The following NEK11 variants were observed in gnomAD, a reference collection of about 807,000 sequenced individuals.
The protein encoded by NEK11 is serine/threonine-protein kinase Nek11.
In NEK11, 72 loss-of-function variants were observed where a neutral mutation model predicts 80.7. The observed-to-expected ratio is 0.89, with a 90% CI of 0.74 to 1.08. NEK11 has a LOEUF of 1.08. Ranked by LOEUF, NEK11 falls within the 50% of genes least tolerant of loss-of-function variation. The pLI, the probability that NEK11 is intolerant of heterozygous loss-of-function variation, is 0.00. For synonymous variants in NEK11, 251 were observed against 260.7 expected (o/e 0.96, Z 0.36); for missense variants, 764 against 763.6 (o/e 1.00, Z -0.01).
At chr3:131,085,876 C>T (rs561058336) in intron 4 of NEK11, among the ~76,000 whole-genome samples, 2 of 152,052 alleles carry the variant, frequency 1.3e-5, no homozygotes, top group East Asian at 3.9e-4. Flanking sequence ...GCATTTAGTT[C>T]TATTTCTTTA....
chr3:131,195,982 A>G (rs1014144689), intron 14 of NEK11, among the ~76,000 whole-genome samples: 1 of 151,340 alleles, frequency 6.6e-6, no homozygotes, highest in Non-Finnish European at 1.5e-5. Flanking sequence ...AGCGTATTTT[A>G]TGTGGGTTTG....
At chr3:131,226,874 G>A (rs954956729) in intron 14 of NEK11, among the ~76,000 whole-genome samples, 25 of 152,096 alleles carry the variant, frequency 1.6e-4, no homozygotes, top group Admixed American at 1.6e-3. Flanking sequence ...ATATATATAT[G>A]TGTACATACA....
At chr3:131,321,655 A>G (rs542674633) in intron 17 of NEK11, among the ~76,000 whole-genome samples, 1 of 152,288 alleles carries the variant, frequency 6.6e-6, no homozygotes, top group East Asian at 1.9e-4. Context: ...TAAGCAAAAA[A>G]CCAAATAACC....
chr3:131,084,653 G>A (rs932948466), intron 4 of NEK11, among the ~76,000 whole-genome samples: 1 of 152,180 alleles, frequency 6.6e-6, no homozygotes, highest in Non-Finnish European at 1.5e-5. Context: ...AGGGAAAAAG[G>A]CAGGAAATGT....
At chr3:131,182,477 T>G (rs2150184024) in intron 14 of NEK11, among the ~76,000 whole-genome samples, 1 of 152,232 alleles carries the variant, frequency 6.6e-6, no homozygotes. Context: ...GCAGGATGGG[T>G]TTCTTGCAAA....
chr3:131,069,109 C>A (rs1176785524), intron 3 of NEK11, among the ~76,000 whole-genome samples: 1 of 152,010 alleles, frequency 6.6e-6, no homozygotes, highest in Non-Finnish European at 1.5e-5. Flanking sequence ...GGTTAAAGAA[C>A]TTTATTTCAT....
intron 17 of NEK11, among the ~76,000 whole-genome samples, chr3:131,292,516 T>C (rs2096554221): frequency 7.7e-6 from 1 of 130,562 alleles, no homozygotes; most frequent in African/African-American, 2.7e-5. Flanking sequence ...AACTAACATC[T>C]TTTTTTTTTT....
At chr3:131,254,959 G>T (rs2108350498) in intron 16 of NEK11, among the ~76,000 whole-genome samples, 1 of 151,982 alleles carries the variant, frequency 6.6e-6, no homozygotes, top group East Asian at 1.9e-4. Context: ...GGTGGAGGTT[G>T]CAGCAAGCCA....
intron 14 of NEK11, among the ~76,000 whole-genome samples, chr3:131,214,989 G>T (rs1481370484): frequency 6.6e-6 from 1 of 152,022 alleles, no homozygotes; most frequent in African/African-American, 2.4e-5. Flanking sequence ...AAAAGGTCAC[G>T]GTACTAACCC....
At chr3:131,047,727 T>C (rs1234640193) in intron 3 of NEK11, among the ~76,000 whole-genome samples, 1 of 152,150 alleles carries the variant, frequency 6.6e-6, no homozygotes, top group Non-Finnish European at 1.5e-5. Context: ...TAGTTTTGTT[T>C]ATTGTACTAG....
In NEK11 at chr3:131,111,450, G is replaced by A. The variant is rs368497872; in HGVS notation, c.455+1529G>A. Among the ~76,000 whole-genome samples, 41 of 152,024 alleles carry A rather than the reference G, an allele frequency of 2.7e-4. No homozygotes were observed. The East Asian group carries it at 3.9e-3, about 14-fold the overall frequency. Reference sequence around the variant, plus strand: ...CAGAGAAATTACAATTTTATGTTTCGGTTCATTCATTCCTTCATTAGATAG... The same window carrying A: ...CAGAGAAATTACAATTTTATGTTTCAGTTCATTCATTCCTTCATTAGATAG... On this transcript the variant is annotated intron_variant, in intron 5 of 17. Coordinates refer to ENST00000383366, the MANE Select transcript of NEK11 (RefSeq NM_024800.5).
chr3:131,243,601 A>T, intron 16 of NEK11, 105 bp downstream of exon 16: 4 of 929,772 alleles, frequency 4.3e-6, no homozygotes, highest in Non-Finnish European at 6.6e-6. Flanking sequence ...TCTTAGTATA[A>T]CAGATGAAGA....
chr3:131,106,852 C>T (rs992844760), intron 4 of NEK11, among the ~76,000 whole-genome samples: 1 of 152,160 alleles, frequency 6.6e-6, no homozygotes, highest in South Asian at 2.1e-4. Flanking sequence ...TTGTAGTATT[C>T]ATTTAAAAAT....
intron 5 of NEK11, among the ~76,000 whole-genome samples, chr3:131,126,008 A>G (rs1025131301): frequency 2.0e-5 from 3 of 152,190 alleles, no homozygotes; most frequent in Non-Finnish European, 2.9e-5. Context: ...TTCATTTTCT[A>G]AAGCCACAAC....
intron 3 of NEK11, among the ~76,000 whole-genome samples, chr3:131,043,972 A>G (rs1002349430): frequency 6.6e-6 from 1 of 152,228 alleles, no homozygotes; most frequent in Non-Finnish European, 1.5e-5. Flanking sequence ...ACATTCTTAA[A>G]GGAAAGAATT....
chr3:131,115,478 G>T (rs892690340), intron 5 of NEK11, among the ~76,000 whole-genome samples: 1 of 152,198 alleles, frequency 6.6e-6, no homozygotes, highest in East Asian at 1.9e-4. Flanking sequence ...TACAGAAAAA[G>T]TGAAGAATCT....
intron 14 of NEK11, among the ~76,000 whole-genome samples, chr3:131,192,336 G>A (rs796833797): frequency 3.9e-5 from 6 of 152,242 alleles, no homozygotes; most frequent in African/African-American, 1.4e-4. Context: ...ACTGCTGGTG[G>A]GAATGTTAAG....
chr3:131,143,631 A>G (rs545176186), intron 7 of NEK11, among the ~76,000 whole-genome samples: 53 of 152,192 alleles, frequency 3.5e-4, no homozygotes, highest in South Asian at 4.1e-4. Context: ...CAAAACCCCT[A>G]AGTGATTTAC....
chr3:131,152,829 G>A, intron 9 of NEK11, 120 bp downstream of exon 9: 1 of 755,394 alleles, frequency 1.3e-6, no homozygotes, highest in East Asian at 2.7e-5. Flanking sequence ...GGAGGAAAAA[G>A]GCCAAAAAGA....
Sources: allele counts gnomAD v4.1 joint callset (sites outside exome capture counted in the v4.1 genomes callset), GRCh38; gene constraint gnomAD v4.1.1; transcripts MANE v1.5; gene names NCBI Gene and HGNC (gene_info 2026-07-23, HGNC 2026-07-21).